The following CDH4 variants were observed in gnomAD, a reference collection of about 807,000 sequenced individuals.
The protein encoded by CDH4 is cadherin-4.
In CDH4, 33 loss-of-function variants were observed where a neutral mutation model predicts 86.0. That is an observed-to-expected ratio of 0.38 (90% CI 0.29 to 0.51). The LOEUF is 0.51. Ranked by LOEUF, CDH4 falls within the 20% of genes least tolerant of loss-of-function variation. CDH4 has a pLI of 0.86. For missense variants in CDH4, 1,114 were observed against 1,307.4 expected, an observed-to-expected ratio of 0.85 and a Z score of 2.28; for synonymous variants, 555 against 549.4, an observed-to-expected ratio of 1.01 and a Z score of -0.14.
In CDH4 at chr20:61,720,410, G is replaced by A. The variant is rs146709373; in HGVS notation, c.170-23153G>A. Among the ~76,000 whole-genome samples the A allele has an allele frequency of 5.4e-3, 783 of 145,804 alleles. 8 individuals are homozygous for A. The highest frequency in any genetic ancestry group is 0.037 in the South Asian group (165 of 4,410). ...GTGTAGGGGTGCAGGGGTGCGAAGTGTAAGTGTGTAGGGGTGCAGGGATGC... is the reference window on the plus strand; with the variant it reads ...GTGTAGGGGTGCAGGGGTGCGAAGTATAAGTGTGTAGGGGTGCAGGGATGC... On this transcript the variant is annotated intron_variant, in intron 2 of 15. Transcript: ENST00000614565.
At position 61,518,275 on chromosome 20, in the gene CDH4, C is replaced by T. The variant is rs1211816556; in HGVS notation, c.170-225288C>T. Among the ~76,000 whole-genome samples, 1 of 152,166 alleles carries T rather than the reference C, an allele frequency of 6.6e-6. No individual in the cohort carries two copies. Among genetic ancestry groups the T allele is most frequent in the East Asian group, 1.9e-4 (1 of 5,188 alleles). On this transcript the variant is annotated intron_variant, in intron 2 of 15. Transcript: ENST00000614565. The surrounding 1 kb of genome is among the most constrained non-coding windows in gnomAD (Gnocchi z 6.3). ...CTGCATGGTGGTGGTATAATTCCCA[C>T]TATAAAGTGGAGGACTCCCAGGTGC...
At chr20:61,667,847 G>A (rs571686421) in intron 2 of CDH4, among the ~76,000 whole-genome samples, 4 of 152,334 alleles carry the variant, frequency 2.6e-5, no homozygotes, top group East Asian at 3.9e-4. Flanking sequence ...CAAGGAACTC[G>A]TTCTGAACAG....
At chr20:61,637,756 C>T (rs1434037623) in intron 2 of CDH4, among the ~76,000 whole-genome samples, 2 of 152,248 alleles carry the variant, frequency 1.3e-5, no homozygotes, top group Middle Eastern at 3.4e-3. Flanking sequence ...TGTGGTGGCT[C>T]ATGCCTGTAA....
intron 2 of CDH4, among the ~76,000 whole-genome samples, chr20:61,735,368 C>T (rs1170134147): frequency 1.3e-5 from 2 of 152,204 alleles, no homozygotes; most frequent in East Asian, 1.9e-4. Flanking sequence ...GCTGGGCCAC[C>T]GTCACCCCAA....
At chr20:61,312,446 T>G (rs2123225410) in intron 2 of CDH4, among the ~76,000 whole-genome samples, 1 of 152,172 alleles carries the variant, frequency 6.6e-6, no homozygotes, top group South Asian at 2.1e-4. Flanking sequence ...CCATTCTGCT[T>G]GGTGATCATG....
chr20:61,445,409 A>G lies in CDH4; in HGVS notation c.169+190472A>G, dbSNP rs569595108. 6.2e-3 allele frequency among the ~76,000 whole-genome samples: 940 copies of G among 152,360 alleles called. 2 individuals carry two copies. Among genetic ancestry groups the G allele is most frequent in the Admixed American group, 0.011 (164 of 15,310 alleles). ...GGTCTCTCCTTCAAAGTGAGTGGCC[A>G]TAGCACCCCATGCCAAGACCAGCCA... On this transcript the variant is annotated intron_variant, in intron 2 of 15. Transcript: ENST00000614565.
chr20:61,801,734 A>C (rs946342228), intron 4 of CDH4, among the ~76,000 whole-genome samples: 3 of 152,164 alleles, frequency 2.0e-5, no homozygotes, highest in African/African-American at 7.2e-5. Context: ...CAAGGGCAGC[A>C]GCACAGCCTC....
At chr20:61,372,233 G>T (rs2084844858) in intron 2 of CDH4, among the ~76,000 whole-genome samples, 1 of 152,178 alleles carries the variant, frequency 6.6e-6, no homozygotes, top group Non-Finnish European at 1.5e-5. Flanking sequence ...CTGTGGCTTG[G>T]CTCCTGTGGG....
In CDH4 at chr20:61,923,712, C is replaced by T; in HGVS notation, c.1628+8C>T. 1 of 1,612,264 alleles carries T rather than the reference C, an allele frequency of 6.2e-7. No homozygotes were observed. Among genetic ancestry groups the T allele is most frequent in the Middle Eastern group, 1.6e-4 (1 of 6,062 alleles). ...CATGCAGCAGGCTGTGAGGTGGGTGCACAGGACATGCCTCGTCCCTGCCTG... is the reference window on the plus strand; with the variant it reads ...CATGCAGCAGGCTGTGAGGTGGGTGTACAGGACATGCCTCGTCCCTGCCTG... On this transcript the variant is annotated splice_region_variant and intron_variant, in intron 10 of 15. Coordinates refer to ENST00000614565, the MANE Select transcript of CDH4 (RefSeq NM_001794.5).
intron 5 of CDH4, among the ~76,000 whole-genome samples, chr20:61,846,270 C>T (rs189717558): frequency 6.6e-6 from 1 of 152,342 alleles, no homozygotes; most frequent in African/African-American, 2.4e-5. Context: ...AGTGCCTGGG[C>T]TTCGTGTGCT....
intron 2 of CDH4, among the ~76,000 whole-genome samples, chr20:61,439,294 G>A (rs2085302478): frequency 6.6e-6 from 1 of 152,160 alleles, no homozygotes; most frequent in African/African-American, 2.4e-5. Context: ...CGGTTGTACA[G>A]TGTGACAAAA....
chr20:61,728,624 T>C (rs1247665586), intron 2 of CDH4, among the ~76,000 whole-genome samples: 3 of 152,136 alleles, frequency 2.0e-5, no homozygotes, highest in African/African-American at 7.2e-5. Context: ...GGAAGGAACA[T>C]GACCTTCCAT....
At chr20:61,733,411 C>T (rs938523149) in intron 2 of CDH4, among the ~76,000 whole-genome samples, 5 of 152,168 alleles carry the variant, frequency 3.3e-5, no homozygotes, top group African/African-American at 1.2e-4. Context: ...CGCATCAAAG[C>T]ACTCTTGCTC....
At chr20:61,683,357 C>T (rs1039956454) in intron 2 of CDH4, among the ~76,000 whole-genome samples, 1 of 152,218 alleles carries the variant, frequency 6.6e-6, no homozygotes, top group Admixed American at 6.5e-5. Context: ...GCAGTTTCTG[C>T]TTCACAAAGA....
intron 7 of CDH4, among the ~76,000 whole-genome samples, chr20:61,888,476 G>A (rs1388973905): frequency 2.0e-5 from 3 of 152,232 alleles, no homozygotes. Flanking sequence ...TGATGAACAG[G>A]AGGGCACATT....
chr20:61,454,190 C>G lies in CDH4; in HGVS notation c.169+199253C>G, dbSNP rs1403317652. Among the ~76,000 whole-genome samples the G allele has an allele frequency of 2.0e-5, 3 of 152,350 alleles. No homozygotes were observed. The East Asian group carries it at 5.8e-4, about 29-fold the overall frequency. Reference sequence around the variant, plus strand: ...TGTGTGTTCACTGAGTTCCCTTCTCCCAGGCCCTGGGCCGGCTGCTGGGAT... The same window carrying G: ...TGTGTGTTCACTGAGTTCCCTTCTCGCAGGCCCTGGGCCGGCTGCTGGGAT... On this transcript the variant is annotated intron_variant, in intron 2 of 15. Transcript: ENST00000614565.
At chr20:61,603,349 A>G (rs1297725921) in intron 2 of CDH4, among the ~76,000 whole-genome samples, 2 of 152,000 alleles carry the variant, frequency 1.3e-5, no homozygotes, top group East Asian at 3.9e-4. Context: ...CCAGGGCCCC[A>G]CACCACTCCG....
intron 2 of CDH4, among the ~76,000 whole-genome samples, chr20:61,532,827 A>G (rs187412978): frequency 4.3e-4 from 65 of 152,264 alleles, no homozygotes; most frequent in African/African-American, 1.5e-3. Flanking sequence ...ACCAGTTCCC[A>G]CAAGCGTAGC....
chr20:61,522,353 C>A (rs909646756), intron 2 of CDH4, among the ~76,000 whole-genome samples: 37 of 152,358 alleles, frequency 2.4e-4, no homozygotes, highest in Middle Eastern at 3.4e-3. Flanking sequence ...TCCCAAACCC[C>A]TCCAGCCACT....
Sources: gnomAD v4.1 joint callset for allele counts (sites outside exome capture counted in the v4.1 genomes callset) on GRCh38, gnomAD v4.1.1 for gene constraint, Gnocchi (gnomAD v3.1) non-coding constraint, MANE v1.5 for transcripts, NCBI Gene and HGNC (gene_info 2026-07-23, HGNC 2026-07-21) for gene names.